Variants in TTBK1 observed in about 807,000 individuals in gnomAD.
TTBK1 encodes tau-tubulin kinase 1.
Under a neutral mutation model 108.5 loss-of-function variants are expected in TTBK1, and 34 were observed. That is an observed-to-expected ratio of 0.31 (90% CI 0.24 to 0.42). TTBK1 has a LOEUF of 0.42. Among genes scored for constraint, TTBK1 ranks in the 10% least tolerant of loss-of-function variants. The pLI, the probability that TTBK1 is intolerant of heterozygous loss-of-function variation, is 1.00. For missense variants in TTBK1, 1,539 were observed against 1,826.0 expected (o/e 0.84, Z 2.86); for synonymous variants, 809 against 795.1 (o/e 1.02, Z -0.29).
intron 13 of TTBK1, among the ~76,000 whole-genome samples, chr6:43,274,040 G>T (rs1777899706): frequency 6.6e-6 from 1 of 152,132 alleles, no homozygotes; most frequent in Non-Finnish European, 1.5e-5. Flanking sequence ...ACCTTTTTGT[G>T]GTGAGTGGGG....
intron 13 of TTBK1, among the ~76,000 whole-genome samples, chr6:43,275,563 T>C: frequency 6.8e-6 from 1 of 146,280 alleles, no homozygotes; most frequent in African/African-American, 2.6e-5. Context: ...CACCCCTGAC[T>C]CCCGTTACCT....
chr6:43,248,555 T>G (rs1236977596), intron 2 of TTBK1, among the ~76,000 whole-genome samples: 2 of 152,132 alleles, frequency 1.3e-5, no homozygotes, highest in East Asian at 3.8e-4. Context: ...AAACCTCATC[T>G]CTACTAAAAA....
Position 43,263,107 on chromosome 6 carries a change from C to T in TTBK1, c.1743C>T (p.Gly581=), listed in dbSNP as rs530813211. ...AGCTGCGGCCACTGCCCGAGGAGGG[C>T]GAAGAGCGGCGGCGGCTGGGGGCAG... ...PEELRPLPEE[G]EERRRLGAEP... The change falls in exon 13 of 15, where the codon GGC becomes GGT. Residue 581 remains glycine, a synonymous_variant. Coordinates refer to ENST00000259750, the MANE Select transcript of TTBK1 (RefSeq NM_032538.3). The surrounding 1 kb of genome is among the most constrained non-coding windows in gnomAD (Gnocchi z 4.7). The T allele has an allele frequency of 1.5e-5, 24 of 1,567,250 alleles. No homozygotes were observed. The highest frequency in any genetic ancestry group is 1.2e-4 in the East Asian group (5 of 42,428).
chr6:43,268,804 T>A (rs1274950131), intron 13 of TTBK1, among the ~76,000 whole-genome samples: 1 of 152,180 alleles, frequency 6.6e-6, no homozygotes, highest in Non-Finnish European at 1.5e-5. Flanking sequence ...TTTCAAGAAA[T>A]GACTTCAGTT....
chr6:43,269,747 C>A lies in TTBK1; in HGVS notation c.1986+6397C>A, dbSNP rs978483042. 1 of 1,606,838 alleles carries A rather than the reference C, an allele frequency of 6.2e-7. No homozygotes were observed. The highest frequency in any genetic ancestry group is 1.3e-5 in the African/African-American group (1 of 74,898). On this transcript the variant is annotated intron_variant, in intron 13 of 14. Transcript: ENST00000259750. The surrounding 1 kb of genome is among the most constrained non-coding windows in gnomAD (Gnocchi z 4.8). ...CCTCCACGCTGGAGACGGAGCATTA[C>A]CCTCACCCCGGCGGCGGCGGCTCCT...
chr6:43,262,553 A>G (rs1562089019), intron 12 of TTBK1, among the ~76,000 whole-genome samples: 1 of 152,196 alleles, frequency 6.6e-6, no homozygotes, highest in African/African-American at 2.4e-5. Context: ...ATTCAAAAAC[A>G]TTTGTTGAAT....
At chr6:43,251,436 T>C (rs1777237295) in intron 2 of TTBK1, among the ~76,000 whole-genome samples, 1 of 152,182 alleles carries the variant, frequency 6.6e-6, no homozygotes. Flanking sequence ...TCCTTCTTTC[T>C]TTTTCTTTTT....
intron 13 of TTBK1, among the ~76,000 whole-genome samples, chr6:43,279,199 G>C (rs1778082853): frequency 6.6e-6 from 1 of 152,198 alleles, no homozygotes; most frequent in Admixed American, 6.5e-5. Context: ...GCAGGAGAAA[G>C]GGTTCCACCT....
chr6:43,274,947 C>T (rs1294578210), intron 13 of TTBK1, among the ~76,000 whole-genome samples: 1 of 152,182 alleles, frequency 6.6e-6, no homozygotes, highest in Non-Finnish European at 1.5e-5. Flanking sequence ...TTCCTAGACT[C>T]TCCTCCGCTT....
intron 13 of TTBK1, chr6:43,271,819 C>T: frequency 1.0e-6 from 1 of 983,670 alleles, no homozygotes; most frequent in Non-Finnish European, 1.2e-6. Flanking sequence ...GCCAAGAGCA[C>T]CTTCTCCATC....
chr6:43,271,817 C>T (rs1777841999), intron 13 of TTBK1: 1 of 983,854 alleles, frequency 1.0e-6, no homozygotes, highest in Non-Finnish European at 1.2e-6. Flanking sequence ...GGGCCAAGAG[C>T]ACCTTCTCCA....
At position 43,283,829 on chromosome 6, in the gene TTBK1, T is replaced by C. The variant is rs747186702; in HGVS notation, c.3089T>C (p.Leu1030Pro). 6.2e-7 allele frequency: 1 copy of C among 1,611,532 alleles called. No homozygotes were observed. The highest frequency in any genetic ancestry group is 1.1e-5 in the South Asian group (1 of 90,900). Residue 1030 changes from leucine to proline, a missense_variant, in exon 14 of 15, where the codon CTG (leucine) becomes CCG (proline). By Grantham distance (98) the Leu-to-Pro change is moderately conservative (BLOSUM62 -3). This residue lies in a region of TTBK1 where 1,055 missense variants were observed against 1,086.5 expected (regional missense o/e 0.97). Coordinates refer to ENST00000259750, the MANE Select transcript of TTBK1 (RefSeq NM_032538.3). This position sits in a 1 kb window ranked among gnomAD's most constrained non-coding sequence, Gnocchi z 8.1. Reference sequence around the variant, plus strand: ...GACGGGCCAGCCCCGGTGTCCCCGCTGGAGCCAAGCCCTGAGAAAGTGGCC... The same window carrying C: ...GACGGGCCAGCCCCGGTGTCCCCGCCGGAGCCAAGCCCTGAGAAAGTGGCC... ...LADGPAPVSP[L>P]EPSPEKVATI...
chr6:43,251,974 C>T lies in TTBK1; in HGVS notation c.109-765C>T, dbSNP rs529253841. Among the ~76,000 whole-genome samples the T allele has an allele frequency of 1.9e-3, 295 of 152,260 alleles. 1 individual carries two copies. Among genetic ancestry groups the T allele is most frequent in the African/African-American group, 6.8e-3 (281 of 41,532 alleles). ...TGCCGGCTTCCCCAGGGGATCAATC[C>T]GCCCTGAGACTGGGAGGTCTGGCAA... is the stretch of plus-strand genomic sequence containing the variant. On this transcript the variant is annotated intron_variant, in intron 2 of 14. Coordinates refer to ENST00000259750, the MANE Select transcript of TTBK1 (RefSeq NM_032538.3).
rs1490993620 is a variant in TTBK1, at chr6:43,283,411, C to T, written c.2671C>T (p.Leu891Phe). The T allele has an allele frequency of 1.2e-6, 2 of 1,612,578 alleles. No individual in the cohort carries two copies. ...VSEPGTLSSV[L>F]KSEPKPPGPG... ...TGAGCCAGGCACCCTGTCCTCTGTC[C>T]TCAAGTCTGAGCCCAAGCCCCCGGG... is the stretch of plus-strand genomic sequence containing the variant. The change falls in exon 14 of 15, where the codon CTC becomes TTC. Residue 891 changes from leucine (L) to phenylalanine (F), a missense_variant. Physicochemically the swap from Leu to Phe is conservative, Grantham distance 22 (BLOSUM62 0). Around this residue, in one of 5 missense-constraint regions of TTBK1, gnomAD observed 1,055 missense variants for 1,086.5 expected, o/e 0.97. Coordinates refer to ENST00000259750, the MANE Select transcript of TTBK1 (RefSeq NM_032538.3). The surrounding 1 kb of genome is among the most constrained non-coding windows in gnomAD (Gnocchi z 8.1).
rs747761682 is a variant in TTBK1 at position 43,282,993 on chromosome 6, A to AGAAGAGGAGGAAGAG, written c.2265_2279dup (p.Glu767_Glu771dup). 4 of 1,602,468 alleles carry AGAAGAGGAGGAAGAG rather than the reference A, an allele frequency of 2.5e-6. No individual in the cohort carries two copies. The South Asian group carries it at 3.3e-5, about 13-fold the overall frequency. On this transcript the variant is annotated inframe_insertion, in exon 14 of 15. Coordinates refer to ENST00000259750, the MANE Select transcript of TTBK1 (RefSeq NM_032538.3). This position sits in a 1 kb window ranked among gnomAD's most constrained non-coding sequence, Gnocchi z 5.4. ...AAGAGGAAGAAGAGGATGAGGAAGAAGAAGAGGAGGAAGAGGAAGAGGAGG... is the reference window on the plus strand; with the variant it reads ...AAGAGGAAGAAGAGGATGAGGAAGAAGAAGAGGAGGAAGAGGAAGAGGAGGAAGAGGAAGAGGAGG...
chr6:43,282,996 AGAG>A lies in TTBK1; in HGVS notation c.2262_2264del (p.Glu771del), dbSNP rs771568854. 4.0e-5 allele frequency: 61 copies of A among 1,507,644 alleles called. No individual in the cohort carries two copies. The highest frequency in any genetic ancestry group is 4.0e-4 in the African/African-American group (27 of 67,834). 93.4% of individuals were successfully genotyped at this position (1,507,644 alleles called of 1,614,324 possible). A position where few individuals can be genotyped will look rare whatever the true frequency, so the allele number is the denominator to read the frequency against. On this transcript the variant is annotated inframe_deletion, in exon 14 of 15. Coordinates refer to ENST00000259750, the MANE Select transcript of TTBK1 (RefSeq NM_032538.3). This position sits in a 1 kb window ranked among gnomAD's most constrained non-coding sequence, Gnocchi z 5.4. ...AGGAAGAAGAGGATGAGGAAGAAGA[AGAG>A]GAGGAAGAGGAAGAGGAGGAGGAAG...
At position 43,263,182 on chromosome 6, in the gene TTBK1, G is replaced by A. The variant is rs751049281; in HGVS notation, c.1818G>A (p.Glu606=). The part of the protein sequence containing the change: ...RGRSMQALAE[E]DLQHLPPQPL... ...GCAGCATGCAGGCGCTGGCGGAGGAGGACCTGCAGCATTTGCCGCCCCAGC... is the reference window on the plus strand; with the variant it reads ...GCAGCATGCAGGCGCTGGCGGAGGAAGACCTGCAGCATTTGCCGCCCCAGC... The change falls in exon 13 of 15, where the codon GAG becomes GAA. Residue 606 remains glutamate (E), a synonymous_variant. Transcript: ENST00000259750. The surrounding 1 kb of genome is among the most constrained non-coding windows in gnomAD (Gnocchi z 4.7). 3.7e-5 allele frequency: 58 copies of A among 1,580,478 alleles called. No homozygotes were observed. Among genetic ancestry groups the A allele is most frequent in the Non-Finnish European group, 4.9e-5 (57 of 1,162,964 alleles).
At chr6:43,284,947 C>T (rs1778318253) in intron 14 of TTBK1, 36 bp from the exon 15 acceptor site, 2 of 1,496,002 alleles carry the variant, frequency 1.3e-6, no homozygotes, top group East Asian at 2.8e-5. Context: ...TGTTTCTTTG[C>T]CCTCTTCTTT....
At chr6:43,252,639 C>T (rs1210315257) in intron 2 of TTBK1, 100 bp from the exon 3 acceptor site, 7 of 1,337,244 alleles carry the variant, frequency 5.2e-6, no homozygotes, top group African/African-American at 3.0e-5. Flanking sequence ...AAAAAAGATA[C>T]CCCCCTTCCC....
Sources: gnomAD v4.1 joint callset for allele counts (sites outside exome capture counted in the v4.1 genomes callset) on GRCh38, gnomAD v4.1.1 for gene constraint, gnomAD v4.1.1 regional missense constraint, Gnocchi (gnomAD v3.1) non-coding constraint, MANE v1.5 for transcripts, NCBI Gene and HGNC (gene_info 2026-07-23, HGNC 2026-07-21) for gene names.